Variants in STAG1 observed in about 807,000 individuals in gnomAD.
STAG1 encodes STAG1 cohesin complex component.
In STAG1, 26 loss-of-function variants were observed where a neutral mutation model predicts 170.9. The observed-to-expected ratio is 0.15, with a 90% confidence interval of 0.11 to 0.21. The LOEUF (loss-of-function observed/expected upper bound fraction) is 0.21. STAG1 is among the 10% of genes least tolerant of loss of function. The pLI is 1.00. For missense variants in STAG1, 964 were observed against 1,509.5 expected (o/e 0.64, Z 5.99); for synonymous variants, 514 against 497.7 (o/e 1.03, Z -0.44).
intron 5 of STAG1, among the ~76,000 whole-genome samples, chr3:136,567,263 T>C (rs1438434990): frequency 2.0e-5 from 3 of 152,180 alleles, no homozygotes; most frequent in African/African-American, 7.2e-5. Context: ...ATAAAGCACA[T>C]CATCAGTGCT....
chr3:136,684,962 T>C (rs1359890646), intron 1 of STAG1, among the ~76,000 whole-genome samples: 2 of 152,094 alleles, frequency 1.3e-5, no homozygotes, highest in African/African-American at 2.4e-5. Context: ...GGTTTGGAGA[T>C]GGCTTTTTAA....
chr3:136,343,734 G>T, intron 30 of STAG1, 98 bp downstream of exon 30: 1 of 965,274 alleles, frequency 1.0e-6, no homozygotes, highest in Non-Finnish European at 1.5e-6. Context: ...ATCATGAACT[G>T]ACCAGCAATA....
At chr3:136,369,826 T>G (rs558374871) in intron 23 of STAG1, among the ~76,000 whole-genome samples, 1 of 152,298 alleles carries the variant, frequency 6.6e-6, no homozygotes, top group East Asian at 1.9e-4. Flanking sequence ...TACATGATGG[T>G]GGATCCCATA....
intron 9 of STAG1, among the ~76,000 whole-genome samples, chr3:136,492,628 T>G (rs954192922): frequency 1.3e-5 from 2 of 152,184 alleles, no homozygotes; most frequent in African/African-American, 4.8e-5. Flanking sequence ...AGATGAGCCC[T>G]AAGACTGCCC....
chr3:136,684,926 C>G (rs1217909073), intron 1 of STAG1, among the ~76,000 whole-genome samples: 1 of 151,920 alleles, frequency 6.6e-6, no homozygotes, highest in Admixed American at 6.6e-5. Context: ...AAGACAATAA[C>G]ACAGAAGACA....
chr3:136,474,988 T>C (rs1476835140), intron 10 of STAG1, among the ~76,000 whole-genome samples: 1 of 152,070 alleles, frequency 6.6e-6, no homozygotes, highest in Non-Finnish European at 1.5e-5. Context: ...CAGCCCAGCC[T>C]CCTTGCTTCT....
At chr3:136,471,773 AAAG>A (rs1469625682) in intron 12 of STAG1, among the ~76,000 whole-genome samples, 1 of 152,198 alleles carries the variant, frequency 6.6e-6, no homozygotes, top group African/African-American at 2.4e-5. Flanking sequence ...ATATCATTAA[AAAG>A]AAGCCTATTT....
chr3:136,706,341 A>G (rs1214619940), intron 1 of STAG1, among the ~76,000 whole-genome samples: 1 of 152,228 alleles, frequency 6.6e-6, no homozygotes, highest in Admixed American at 6.5e-5. Context: ...AAATATTCCA[A>G]AGAATCAACA....
chr3:136,518,334 C>A, intron 7 of STAG1: 1 of 691,914 alleles, frequency 1.4e-6, no homozygotes, highest in South Asian at 1.5e-5. Flanking sequence ...GCCATAACTG[C>A]CTTGTAACTG....
At chr3:136,751,174 T>TG (rs1935209946) in intron 1 of STAG1, among the ~76,000 whole-genome samples, 1 of 145,352 alleles carries the variant, frequency 6.9e-6, no homozygotes. Context: ...CAAATTGCGT[T>TG]TTTTTTTTTT....
chr3:136,521,928 A>C (rs1305124836), intron 6 of STAG1, among the ~76,000 whole-genome samples: 1 of 152,202 alleles, frequency 6.6e-6, no homozygotes, highest in Non-Finnish European at 1.5e-5. Context: ...AAATTTCCTC[A>C]AATTTTACTA....
chr3:136,356,687 C>A (rs975327681), intron 28 of STAG1, among the ~76,000 whole-genome samples: 11 of 152,188 alleles, frequency 7.2e-5, no homozygotes, highest in Non-Finnish European at 1.5e-4. Context: ...ATAAAGGACT[C>A]TCTGTCTTAA....
At chr3:136,560,804 T>C (rs985463128) in intron 5 of STAG1, among the ~76,000 whole-genome samples, 1 of 152,016 alleles carries the variant, frequency 6.6e-6, no homozygotes, top group African/African-American at 2.4e-5. Flanking sequence ...GATGAGAAAA[T>C]AGTGATAATA....
At chr3:136,459,308 G>A (rs780735150) in intron 13 of STAG1, among the ~76,000 whole-genome samples, 1 of 151,694 alleles carries the variant, frequency 6.6e-6, no homozygotes, top group Non-Finnish European at 1.5e-5. Flanking sequence ...ATGACAAGAG[G>A]ATATAACAAT....
intron 1 of STAG1, among the ~76,000 whole-genome samples, chr3:136,751,418 C>T (rs1273834953): frequency 6.6e-6 from 1 of 152,094 alleles, no homozygotes; most frequent in Non-Finnish European, 1.5e-5. Flanking sequence ...AGTTTCCCAC[C>T]CCGCCCCCAC....
At chr3:136,613,296 AGAGT>A (rs1286898723) in intron 3 of STAG1, among the ~76,000 whole-genome samples, 1 of 125,986 alleles carries the variant, frequency 7.9e-6, no homozygotes, top group Admixed American at 9.8e-5. Context: ...CAAAGTGAAC[AGAGT>A]GAGACTCCGT....
intron 6 of STAG1, among the ~76,000 whole-genome samples, chr3:136,521,811 A>C (rs923458283): frequency 1.3e-5 from 2 of 152,238 alleles, no homozygotes; most frequent in Non-Finnish European, 2.9e-5. Context: ...GTGTCATACC[A>C]CATCTTTCAA....
chr3:136,533,987 T>C (rs1010238938), intron 6 of STAG1, among the ~76,000 whole-genome samples: 1 of 152,274 alleles, frequency 6.6e-6, no homozygotes, highest in South Asian at 2.1e-4. Flanking sequence ...CTGAAGGCAT[T>C]ACAGCCTGAC....
At chr3:136,521,015 G>A (rs1275734477) in intron 7 of STAG1, among the ~76,000 whole-genome samples, 198 bp downstream of exon 7, 1 of 152,018 alleles carries the variant, frequency 6.6e-6, no homozygotes, top group Admixed American at 6.6e-5. Flanking sequence ...GATGACACTG[G>A]CCAGAAAATT....
Sources: allele counts gnomAD v4.1 joint callset (sites outside exome capture counted in the v4.1 genomes callset), GRCh38; gene constraint gnomAD v4.1.1; transcripts MANE v1.5; gene names NCBI Gene and HGNC (gene_info 2026-07-23, HGNC 2026-07-21).